MTCL1: variants seen among roughly 807,000 people sequenced by gnomAD.
MTCL1 encodes the protein microtubule cross-linking factor 1.
In MTCL1, 79 loss-of-function variants were observed where a neutral mutation model predicts 141.4. That is an observed-to-expected ratio of 0.56 (90% CI 0.47 to 0.67). MTCL1 has a LOEUF of 0.67. Ranked by LOEUF, MTCL1 falls within the 30% of genes least tolerant of loss-of-function variation. MTCL1 has a pLI of 0.00. For synonymous variants in MTCL1, 914 were observed against 875.8 expected (o/e 1.04, Z -0.77); for missense variants, 2,177 against 2,113.9 (o/e 1.03, Z -0.59).
At chr18:8,738,892 T>C (rs1194398663) in intron 4 of MTCL1, among the ~76,000 whole-genome samples, 1 of 152,132 alleles carries the variant, frequency 6.6e-6, no homozygotes, top group Non-Finnish European at 1.5e-5. Context: ...TAGATGACAT[T>C]CCTGAAGTCT....
Position 8,737,594 on chromosome 18 carries a change from G to A in MTCL1, c.357+17098G>A, listed in dbSNP as rs193201212. On this transcript the variant is annotated intron_variant, in intron 4 of 16. Coordinates refer to ENST00000359865, the Ensembl canonical transcript of MTCL1. Reference sequence around the variant, plus strand: ...AAGATGCCAAGCAGGTGACCAACGCGAGGGCAGCCAGGCATCTGGGATCTC... The same window carrying A: ...AAGATGCCAAGCAGGTGACCAACGCAAGGGCAGCCAGGCATCTGGGATCTC... 6.5e-3 allele frequency among the ~76,000 whole-genome samples: 990 copies of A among 152,330 alleles called. 10 individuals are homozygous for A. Among genetic ancestry groups the A allele is most frequent in the African/African-American group, 0.022 (932 of 41,568 alleles).
intron 4 of MTCL1, among the ~76,000 whole-genome samples, chr18:8,762,441 G>A (rs2096437173): frequency 6.6e-6 from 1 of 152,260 alleles, no homozygotes; most frequent in South Asian, 2.1e-4. Context: ...ATTATTCAAT[G>A]TTCAGGATTG....
At chr18:8,784,489 C>G in exon 6 of MTCL1, 1 of 1,576,308 alleles carries the variant, frequency 6.3e-7, no homozygotes, top group East Asian at 2.2e-5. Context: ...CCCTAAAACA[C>G]GAGGCCCAGC....
chr18:8,801,139 C>A (rs1247588138), intron 10 of MTCL1, among the ~76,000 whole-genome samples: 3 of 152,122 alleles, frequency 2.0e-5, no homozygotes, highest in African/African-American at 7.2e-5. Context: ...CTTTCTCCTG[C>A]AGACAGAGAG....
chr18:8,773,303 G>A lies in MTCL1; in HGVS notation c.358-4530G>A, dbSNP rs183373749. 2.0e-4 allele frequency among the ~76,000 whole-genome samples: 30 copies of A among 152,204 alleles called. No individual in the cohort carries two copies. In the East Asian group the frequency reaches 3.3e-3, roughly 17 times the overall value. Reference sequence around the variant, plus strand: ...CCCCTTCATGTGCACAGAAGTGCCCGTCTCCCTGGGTTCATGCTAACACTG... The same window carrying A: ...CCCCTTCATGTGCACAGAAGTGCCCATCTCCCTGGGTTCATGCTAACACTG... On this transcript the variant is annotated intron_variant, in intron 4 of 16. Transcript: ENST00000359865.
At chr18:8,786,629 A>G (rs1218786886) in intron 7 of MTCL1, 1 of 320,692 alleles carries the variant, frequency 3.1e-6, no homozygotes, top group Non-Finnish European at 6.2e-6. Flanking sequence ...GGTATACACA[A>G]GGCTTCAGCC....
At chr18:8,753,478 C>T (rs2096382204) in intron 4 of MTCL1, among the ~76,000 whole-genome samples, 1 of 152,196 alleles carries the variant, frequency 6.6e-6, no homozygotes, top group South Asian at 2.1e-4. Flanking sequence ...GCAGCATCAG[C>T]ACAGTCAGTT....
intron 3 of MTCL1, 82 bp downstream of exon 2, chr18:8,718,730 C>G: frequency 7.9e-7 from 1 of 1,264,564 alleles, no homozygotes; most frequent in Non-Finnish European, 1.2e-6. Flanking sequence ...GTGTTTTTTC[C>G]CTGCTTGTGT....
intron 4 of MTCL1, among the ~76,000 whole-genome samples, chr18:8,761,682 C>T (rs538146019): frequency 1.9e-4 from 29 of 152,336 alleles, no homozygotes; most frequent in Admixed American, 4.6e-4. Context: ...GGAGACCTTA[C>T]AATCATGGTG....
rs148645925 is a variant in MTCL1 at position 8,730,195 on chromosome 18, A to G, written c.357+9699A>G. On this transcript the variant is annotated intron_variant, in intron 4 of 16. Transcript: ENST00000359865. ...CCCAGCCTTGATCACTTAGCTATATATGTCCTGAAAGTGCTTTCTTGGTGC... is the reference window on the plus strand; with the variant it reads ...CCCAGCCTTGATCACTTAGCTATATGTGTCCTGAAAGTGCTTTCTTGGTGC... Among the ~76,000 whole-genome samples the G allele has an allele frequency of 1.4e-4, 22 of 152,076 alleles. No homozygotes were observed. The East Asian group carries it at 1.5e-3, about 11-fold the overall frequency.
intron 4 of MTCL1, among the ~76,000 whole-genome samples, chr18:8,756,409 G>GTA (rs1307894953): frequency 4.1e-5 from 6 of 147,990 alleles, no homozygotes; most frequent in African/African-American, 7.6e-5. Flanking sequence ...ATATATGTGT[G>GTA]TATATGTGTA....
rs1568046320 is a variant in MTCL1 at position 8,792,128 on chromosome 18, T to G, written c.1888-870T>G. On this transcript the variant is annotated intron_variant, in intron 7 of 16. Coordinates refer to ENST00000359865, the Ensembl canonical transcript of MTCL1. ...ACCAGTGAAACCGCACGTATTTTAT[T>G]GCAACAATCTACTCTAATTCCCAGT... Among the ~76,000 whole-genome samples the G allele has an allele frequency of 1.3e-5, 2 of 152,378 alleles. 1 individual carries two copies. The highest frequency in any genetic ancestry group is 4.1e-4 in the South Asian group (2 of 4,832).
Position 8,798,292 on chromosome 18 carries a change from G to A in MTCL1, c.2436+1G>A. 6.6e-7 allele frequency: 1 copy of A among 1,523,728 alleles called. No homozygotes were observed. Among genetic ancestry groups the A allele is most frequent in the East Asian group, 2.6e-5 (1 of 39,110 alleles). The allele number at this position is 1,523,728 out of a possible 1,614,324, so 94.4% of individuals were successfully genotyped here. ...GGACAGGGGACAGCCCCACAAACAG[G>A]TGGGTACCTCGACCCGAGCCTGTCG... On this transcript the variant is annotated splice_donor_variant, in intron 10 of 16. Coordinates refer to ENST00000359865, the Ensembl canonical transcript of MTCL1. LOFTEE classifies it high-confidence loss of function.
exon 15 of MTCL1, chr18:8,825,747 G>A: frequency 6.2e-7 from 1 of 1,614,172 alleles, no homozygotes; most frequent in Non-Finnish European, 8.5e-7. Flanking sequence ...GACGTCACCA[G>A]GGATGGCCCA....
intron 4 of MTCL1, among the ~76,000 whole-genome samples, chr18:8,757,624 G>A (rs1431348425): frequency 1.3e-5 from 2 of 152,238 alleles, no homozygotes; most frequent in Non-Finnish European, 2.9e-5. Flanking sequence ...AGGGGCGTGT[G>A]TGCAAGGGCC....
intron 4 of MTCL1, among the ~76,000 whole-genome samples, chr18:8,734,258 C>T (rs535340543): frequency 1.2e-4 from 18 of 151,988 alleles, no homozygotes; most frequent in Admixed American, 2.0e-4. Flanking sequence ...CCTCCAACTC[C>T]GTTGAAGCTT....
At chr18:8,742,520 T>G (rs1166515237) in intron 4 of MTCL1, among the ~76,000 whole-genome samples, 1 of 152,110 alleles carries the variant, frequency 6.6e-6, no homozygotes, top group Non-Finnish European at 1.5e-5. Flanking sequence ...GGAAGCCCCT[T>G]ATAAAACCAT....
At chr18:8,726,140 T>C (rs1328799665) in intron 4 of MTCL1, among the ~76,000 whole-genome samples, 2 of 152,092 alleles carry the variant, frequency 1.3e-5, no homozygotes, top group African/African-American at 4.8e-5. Flanking sequence ...TTCCTTGTGA[T>C]GAGTTATTCC....
At chr18:8,790,523 G>A (rs1175333363) in intron 7 of MTCL1, among the ~76,000 whole-genome samples, 3 of 152,380 alleles carry the variant, frequency 2.0e-5, no homozygotes, top group Admixed American at 2.0e-4. Flanking sequence ...ACCTGAGAGA[G>A]GAGGGAAGCC....
Sources: allele counts gnomAD v4.1 joint callset (sites outside exome capture counted in the v4.1 genomes callset), GRCh38; gene constraint gnomAD v4.1.1; transcripts MANE v1.5; gene names NCBI Gene and HGNC (gene_info 2026-07-23, HGNC 2026-07-21).